The following CDHR1 variants were observed in gnomAD, a reference collection of about 807,000 sequenced individuals.
CDHR1 encodes cadherin-related family member 1.
A neutral mutation model predicts 72.1 loss-of-function variants in CDHR1; 61 were observed. The ratio of observed to expected loss-of-function variants is 0.85; its 90% confidence interval spans 0.69 to 1.05. CDHR1 has a LOEUF of 1.05. CDHR1 is among the 50% of genes least tolerant of loss of function. The probability of loss-of-function intolerance (pLI) is 0.00; values close to 1 mark genes in which losing one functional copy is unlikely to be tolerated. For missense variants in CDHR1, 1,186 were observed against 1,115.7 expected (o/e 1.06, Z -0.90); for synonymous variants, 470 against 448.1 (o/e 1.05, Z -0.62).
chr10:84,208,416 G>C (rs369521137), intron 11 of CDHR1, 39 bp downstream of exon 11: 14 of 1,603,582 alleles, frequency 8.7e-6, no homozygotes, highest in Non-Finnish European at 1.2e-5. Context: ...TCTCACAAAC[G>C]GTATGAAGCC....
chr10:84,200,523 T>C (rs1842104383), intron 5 of CDHR1, 78 bp from the exon 6 acceptor site: 4 of 938,850 alleles, frequency 4.3e-6, no homozygotes, highest in Non-Finnish European at 6.8e-6. Context: ...ACCCCACTGC[T>C]GCATGCCCCT....
At chr10:84,202,523 G>T (rs1356246166) in intron 7 of CDHR1, among the ~76,000 whole-genome samples, 1 of 152,210 alleles carries the variant, frequency 6.6e-6, no homozygotes, top group Non-Finnish European at 1.5e-5. Flanking sequence ...CCTGTACCAG[G>T]AGGCCCGAGT....
At chr10:84,208,682 T>C in intron 11 of CDHR1, 47 bp from the exon 12 acceptor site, 1 of 1,568,320 alleles carries the variant, frequency 6.4e-7, no homozygotes, top group Non-Finnish European at 8.8e-7. Context: ...GATTATGAAT[T>C]TCTATCATCA....
chr10:84,196,677 G>A (rs370942604), intron 3 of CDHR1, 27 bp downstream of exon 3: 196 of 1,613,804 alleles, frequency 1.2e-4, no homozygotes, highest in Middle Eastern at 1.6e-4. Flanking sequence ...GGAGTGCTGC[G>A]GGGCCACTGC....
chr10:84,195,020 G>C (rs535280198), intron 1 of CDHR1, among the ~76,000 whole-genome samples: 1 of 152,166 alleles, frequency 6.6e-6, no homozygotes, highest in Non-Finnish European at 1.5e-5. Flanking sequence ...GCTCCGGGGC[G>C]CTTCTCCAGA....
At chr10:84,211,262 C>A in intron 13 of CDHR1, 97 bp downstream of exon 13, 1 of 1,285,690 alleles carries the variant, frequency 7.8e-7, no homozygotes, top group Non-Finnish European at 1.1e-6. Context: ...GCAGAACCCA[C>A]ACTCATTAGC....
rs1842031956 is a variant in CDHR1, at chr10:84,196,521, C to A, written c.168C>A (p.Thr56=). The A allele has an allele frequency of 8.1e-6, 13 of 1,614,190 alleles. No homozygotes were observed. The highest frequency in any genetic ancestry group is 1.0e-5 in the Non-Finnish European group (12 of 1,180,028). The change falls in exon 3 of 17, where the codon ACC becomes ACA. Residue 56 remains threonine, a synonymous_variant. Transcript: ENST00000623527. Reference sequence around the variant, plus strand: ...TCCTTCCAGGCTCTCACGTATACACCCTGAATGGGACAGACCCTGAGGGAG... The same window carrying A: ...TCCTTCCAGGCTCTCACGTATACACACTGAATGGGACAGACCCTGAGGGAG... ...EDTPVGSHVY[T]LNGTDPEGDP... is the part of the protein sequence containing the mutation.
intron 14 of CDHR1, 57 bp from the exon 15 acceptor site, chr10:84,212,122 T>C: frequency 2.9e-6 from 4 of 1,396,076 alleles, no homozygotes; most frequent in Non-Finnish European, 4.1e-6. Context: ...GGCATGTGTA[T>C]GTATGCACAT....
Position 84,195,474 on chromosome 10 carries a change from G to T in CDHR1, c.56-20G>T. 1 of 1,609,718 alleles carries T rather than the reference G, an allele frequency of 6.2e-7. No individual in the cohort carries two copies. The highest frequency in any genetic ancestry group is 1.3e-5 in the African/African-American group (1 of 74,908). On this transcript the variant is annotated intron_variant, in intron 1 of 16. Transcript: ENST00000623527. ...GTGTCCTTTGCCTGGGTGTCCGTCT[G>T]TTCTGTGTTCTTTTTCCAGCTCAGG...
downstream of CDHR1, chr10:84,219,396 C>T: frequency 7.1e-7 from 1 of 1,415,258 alleles, no homozygotes; most frequent in Non-Finnish European, 9.3e-7. Flanking sequence ...CTCCCCTGCA[C>T]TGCTTGCTGC....
chr10:84,200,724 G>C (rs760899946), intron 6 of CDHR1, 37 bp downstream of exon 6: 1 of 1,504,312 alleles, frequency 6.6e-7, no homozygotes, highest in South Asian at 1.2e-5. Context: ...CTGGGGCTGG[G>C]CCGGAGGGGA....
chr10:84,212,379 T>C lies in CDHR1; in HGVS notation c.1754T>C (p.Met585Thr). Residue 585 changes from methionine to threonine, a missense_variant, in exon 15 of 17, where the codon ATG (methionine) becomes ACG (threonine). Transcript: ENST00000623527. The part of the protein sequence containing the change: ...QFGKSVQKKT[M>T]VLGTPVKIEA... ...GGAAAGAGCGTTCAGAAGAAGACGA[T>C]GGTGCTAGGGACCCCAGTGAAAATT... The C allele has an allele frequency of 6.2e-7, 1 of 1,614,204 alleles. No individual in the cohort carries two copies.
chr10:84,208,152 T>C, intron 10 of CDHR1, 22 bp from the exon 11 acceptor site: 2 of 1,610,238 alleles, frequency 1.2e-6, no homozygotes, highest in Non-Finnish European at 1.7e-6. Flanking sequence ...CACACAGCCA[T>C]AGCCACTTGT....
In CDHR1 at chr10:84,211,161, T is replaced by A; in HGVS notation, c.1481T>A (p.Val494Asp). 5.6e-6 allele frequency: 9 copies of A among 1,614,222 alleles called. No homozygotes were observed. Among genetic ancestry groups the A allele is most frequent in the Non-Finnish European group, 7.6e-6 (9 of 1,180,032 alleles). The change falls in exon 13 of 17, where the codon GTC becomes GAC. Residue 494 changes from valine to aspartate, a missense_variant. Transcript: ENST00000623527. ...NAPGGSSVVA[V>D]TAVDPDTGPW... is the part of the protein sequence containing the mutation. The stretch of plus-strand genomic sequence containing the variant: ...CCAGGGGGCTCCAGCGTGGTGGCTG[T>A]CACAGTGGGTTGGGCACTGGCCCAG...
In CDHR1 at chr10:84,213,113, A is replaced by T; in HGVS notation, c.1805A>T (p.Glu602Val). The change falls in exon 16 of 17, where the codon GAA becomes GTA. Residue 602 changes from glutamate (E) to valine (V), a missense_variant. Transcript: ENST00000623527. ...CAGGCCATAGACGAGGATGCAGAGG[A>T]ACCCAACAACCTGGTGGACTATTCC... is the stretch of plus-strand genomic sequence containing the variant. ...KIEAIDEDAE[E>V]PNNLVDYSIT... The T allele has an allele frequency of 1.2e-6, 2 of 1,614,230 alleles. No individual in the cohort carries two copies. Among genetic ancestry groups the T allele is most frequent in the Non-Finnish European group, 1.7e-6 (2 of 1,180,034 alleles).
chr10:84,214,363 C>T lies in CDHR1; in HGVS notation c.2322C>T (p.Pro774=). ...AGTTCATGCTCAAAGAGAAACCTCC[C>T]AATGAGAACTGTAACAACAACAGCC... is the stretch of plus-strand genomic sequence containing the variant. ...ATKFMLKEKP[P]NENCNNNSPE... The change falls in exon 17 of 17, where the codon CCC becomes CCT. Residue 774 remains proline, a synonymous_variant. Transcript: ENST00000623527. 6.2e-7 allele frequency: 1 copy of T among 1,614,200 alleles called. No homozygotes were observed. The highest frequency in any genetic ancestry group is 8.5e-7 in the Non-Finnish European group (1 of 1,180,048).
chr10:84,196,015 G>A (rs1842024045), intron 2 of CDHR1, among the ~76,000 whole-genome samples: 1 of 152,176 alleles, frequency 6.6e-6, no homozygotes, highest in Non-Finnish European at 1.5e-5. Flanking sequence ...GGGAACCCGG[G>A]GAAAAGGGAG....
Position 84,201,788 on chromosome 10 carries a change from T to G in CDHR1, c.526-19T>G. ...GCCTGCATTCTTGCTGAGGTCCAGC[T>G]GCCCCCTAATTCTTATAGAACCTGC... On this transcript the variant is annotated intron_variant, in intron 6 of 16. Transcript: ENST00000623527. The G allele has an allele frequency of 1.2e-6, 2 of 1,601,032 alleles. No homozygotes were observed. The highest frequency in any genetic ancestry group is 1.7e-6 in the Non-Finnish European group (2 of 1,173,220).
chr10:84,208,445 G>A, intron 11 of CDHR1, 68 bp downstream of exon 11: 1 of 1,527,904 alleles, frequency 6.5e-7, no homozygotes, highest in South Asian at 1.1e-5. Context: ...AAAGCTAAGT[G>A]GGTCTGCATC....
Sources: allele counts gnomAD v4.1 joint callset (sites outside exome capture counted in the v4.1 genomes callset), GRCh38; gene constraint gnomAD v4.1.1; transcripts MANE v1.5; gene names NCBI Gene and HGNC (gene_info 2026-07-23, HGNC 2026-07-21).